The following MIER1 variants were observed in gnomAD, a reference collection of about 807,000 sequenced individuals.
MIER1 encodes the protein mesoderm induction early response protein 1.
Under a neutral mutation model 75.7 loss-of-function variants are expected in MIER1, and 40 were observed. The ratio of observed to expected loss-of-function variants is 0.53; its 90% CI spans 0.41 to 0.69. The LOEUF is 0.69. MIER1 is among the 30% of genes least tolerant of loss of function. The pLI, the probability that MIER1 is intolerant of heterozygous loss-of-function variation, is 0.00. For synonymous variants in MIER1, 213 were observed against 223.4 expected (o/e 0.95, Z 0.42); for missense variants, 574 against 680.2 (o/e 0.84, Z 1.74).
intron 11 of MIER1, 68 bp from the exon 12 acceptor site, chr1:66,976,527 C>T (rs11208978): frequency 0.19 from 273,388 of 1,456,480 alleles, 27,725 homozygotes; most frequent in Non-Finnish European, 0.2. Flanking sequence ...TTTCAAACTT[C>T]AGATGTTTAT....
At chr1:66,929,309 A>G (rs1425397401) in intron 2 of MIER1, among the ~76,000 whole-genome samples, 2 of 152,222 alleles carry the variant, frequency 1.3e-5, no homozygotes, top group African/African-American at 4.8e-5. Context: ...GAAGATTAGG[A>G]AAAAAATCCC....
At chr1:66,929,544 G>C (rs1330571653) in intron 2 of MIER1, among the ~76,000 whole-genome samples, 1 of 152,196 alleles carries the variant, frequency 6.6e-6, no homozygotes, top group Non-Finnish European at 1.5e-5. Context: ...GGCATTTCAG[G>C]CATTGCAAAT....
At chr1:66,932,719 T>C (rs1158022475) in intron 2 of MIER1, 1 of 152,136 alleles carries the variant, frequency 6.6e-6, no homozygotes, top group Non-Finnish European at 1.5e-5. Flanking sequence ...GATTTAAGGA[T>C]AGCTTGTGAA....
At chr1:66,972,235 C>CATATATATAT (rs71058486) in intron 10 of MIER1, among the ~76,000 whole-genome samples, 46 of 63,716 alleles carry the variant, frequency 7.2e-4, no homozygotes, top group African/African-American at 3.6e-3. Flanking sequence ...ATATACACTA[C>CATATATATAT]ATATATATAT....
At chr1:66,961,347 T>A (rs76934427) in intron 7 of MIER1, among the ~76,000 whole-genome samples, 48 of 152,246 alleles carry the variant, frequency 3.2e-4, no homozygotes, top group African/African-American at 1.2e-3. Flanking sequence ...AAAATCAAAT[T>A]TTTGAGCTTC....
At chr1:66,942,976 CAAA>C (rs1460497247) in intron 3 of MIER1, among the ~76,000 whole-genome samples, 2 of 152,042 alleles carry the variant, frequency 1.3e-5, no homozygotes, top group Non-Finnish European at 2.9e-5. Context: ...ACAAGTATAA[CAAA>C]GAATTAAGCA....
At chr1:66,929,594 C>G (rs1240918331) in intron 2 of MIER1, among the ~76,000 whole-genome samples, 1 of 152,170 alleles carries the variant, frequency 6.6e-6, no homozygotes, top group African/African-American at 2.4e-5. Context: ...AGATGATATC[C>G]ATAAAACAGT....
chr1:66,964,977 G>C (rs555415813), intron 8 of MIER1, among the ~76,000 whole-genome samples: 63 of 152,256 alleles, frequency 4.1e-4, no homozygotes, highest in Non-Finnish European at 6.8e-4. Context: ...CAGCAGGTCA[G>C]AGGCAGTCAA....
rs1217043151 is a variant in MIER1, at chr1:66,930,153, T to C, written c.168+3911T>C. 9.1e-6 allele frequency: 11 copies of C among 1,215,216 alleles called. No homozygotes were observed. The East Asian group carries it at 1.8e-4, about 19-fold the overall frequency. The allele number at this position is 1,215,216 out of a possible 1,614,324, so 75.3% of individuals were successfully genotyped here. A position where few individuals can be genotyped will look rare whatever the true frequency, so the allele number is the denominator to read the frequency against. ...CGCGGGGCCGCGCGCGCGCCCCTGCTCCGGCGCGTGCTCGCTGGTCTTTTC... is the reference window on the plus strand; with the variant it reads ...CGCGGGGCCGCGCGCGCGCCCCTGCCCCGGCGCGTGCTCGCTGGTCTTTTC... On this transcript the variant is annotated intron_variant, in intron 2 of 13. Coordinates refer to ENST00000401041, the MANE Select transcript of MIER1 (RefSeq NM_001077700.3).
chr1:66,973,122 G>A (rs1032577413), intron 11 of MIER1, 131 bp downstream of exon 11: 15 of 589,688 alleles, frequency 2.5e-5, no homozygotes, highest in Non-Finnish European at 3.9e-5. Flanking sequence ...TTGGTATTTA[G>A]TGAGTAATTA....
At chr1:66,947,915 G>A (rs777823532) in intron 4 of MIER1, 221 of 985,202 alleles carry the variant, frequency 2.2e-4, no homozygotes, top group Non-Finnish European at 2.6e-4. Context: ...TCCCAAGGCC[G>A]GCTCCTTATC....
At chr1:66,983,582 A>G (rs544702737) in intron 13 of MIER1, among the ~76,000 whole-genome samples, 7 of 152,282 alleles carry the variant, frequency 4.6e-5, no homozygotes, top group Non-Finnish European at 8.8e-5. Context: ...CTCACCTACT[A>G]TAGAATTTGT....
rs370848273 is a variant in MIER1, at chr1:66,936,283, C to T, written c.169-3745C>T. 2.2e-4 allele frequency among the ~76,000 whole-genome samples: 33 copies of T among 151,894 alleles called. 2 individuals carry two copies. The East Asian group carries it at 4.6e-3, about 21-fold the overall frequency. On this transcript the variant is annotated intron_variant, in intron 2 of 13. Transcript: ENST00000401041. ...TGTTGCCCAGGCTGGAGTGCGGTGGCGCTTTCTGGGCTCACTGCAACCTCC... is the reference window on the plus strand; with the variant it reads ...TGTTGCCCAGGCTGGAGTGCGGTGGTGCTTTCTGGGCTCACTGCAACCTCC...
At chr1:66,981,723 A>G (rs1185288707) in intron 12 of MIER1, 56 bp from the exon 13 acceptor site, 4 of 1,419,586 alleles carry the variant, frequency 2.8e-6, no homozygotes, top group Non-Finnish European at 3.9e-6. Context: ...TTTAACCTCA[A>G]CTAATTTTTA....
rs899542496 is a variant in MIER1, at chr1:66,985,137, T to C, written c.*237T>C. The stretch of plus-strand genomic sequence containing the variant: ...AGTAAATTTGAATGAACTAAAGATA[T>C]ATCTCTACCTTCTCATTTGAATATC... On this transcript the variant is annotated 3_prime_UTR_variant, in exon 14 of 14. Transcript: ENST00000401041. 3.5e-5 allele frequency: 39 copies of C among 1,108,068 alleles called. No homozygotes were observed. The South Asian group carries it at 1.1e-3, about 31-fold the overall frequency. The allele number at this position is 1,108,068 out of a possible 1,614,324, so 68.6% of individuals were successfully genotyped here.
intron 2 of MIER1, chr1:66,930,480 G>C (rs996637167): frequency 7.0e-7 from 1 of 1,436,100 alleles, no homozygotes; most frequent in South Asian, 1.2e-5. Context: ...AGTGGGCCTG[G>C]CCAGGAGAGG....
At chr1:66,930,803 A>AC (rs893981204) in intron 2 of MIER1, among the ~76,000 whole-genome samples, 1 of 151,662 alleles carries the variant, frequency 6.6e-6, no homozygotes, top group Non-Finnish European at 1.5e-5. Context: ...CTTCCGCGTC[A>AC]CCCCCATCCA....
chr1:66,946,466 A>T, intron 4 of MIER1, 171 bp downstream of exon 4: 1 of 1,349,418 alleles, frequency 7.4e-7, no homozygotes, highest in Non-Finnish European at 9.5e-7. Context: ...AAAGGATTTA[A>T]AAACAATAAC....
chr1:66,926,087 C>A, intron 1 of MIER1, 55 bp from the exon 2 acceptor site: 1 of 1,364,278 alleles, frequency 7.3e-7, no homozygotes, highest in Non-Finnish European at 1.0e-6. Flanking sequence ...GGATGGTGAG[C>A]TTGTATCATC....
Sources: gnomAD v4.1 joint callset for allele counts (sites outside exome capture counted in the v4.1 genomes callset) on GRCh38, gnomAD v4.1.1 for gene constraint, MANE v1.5 for transcripts, NCBI Gene and HGNC (gene_info 2026-07-23, HGNC 2026-07-21) for gene names.